SMG6: variants seen among roughly 807,000 people sequenced by gnomAD.
SMG6 encodes telomerase-binding protein EST1A.
SMG6 carries 66 observed loss-of-function variants against 142.2 expected under a neutral mutation model. The observed-to-expected ratio is 0.46, with a 90% confidence interval of 0.38 to 0.57. The LOEUF (loss-of-function observed/expected upper bound fraction) is 0.57. Ranked by LOEUF, SMG6 falls within the 20% of genes least tolerant of loss-of-function variation. The probability of loss-of-function intolerance (pLI) is 0.00; values close to 1 mark genes in which losing one functional copy is unlikely to be tolerated. For missense variants in SMG6, 1,793 were observed against 1,832.0 expected, an observed-to-expected ratio of 0.98 and a Z score of 0.39; for synonymous variants, 779 against 702.4, an observed-to-expected ratio of 1.11 and a Z score of -1.72.
At chr17:2,195,141 G>A (rs996708062) in intron 10 of SMG6, among the ~76,000 whole-genome samples, 8 of 152,226 alleles carry the variant, frequency 5.3e-5, no homozygotes, top group Admixed American at 6.5e-5. Context: ...GCTCCAGGCT[G>A]TGGGGTGACA....
intron 6 of SMG6, 53 bp downstream of exon 6, chr17:2,292,499 A>T: frequency 6.5e-7 from 1 of 1,543,796 alleles, no homozygotes; most frequent in Admixed American, 1.7e-5. Flanking sequence ...CAAACTCCAT[A>T]TTGTAAGATA....
At chr17:2,255,403 CAAAAAAAAAAAAAAAA>C (rs60136702) in intron 8 of SMG6, among the ~76,000 whole-genome samples, 3 of 73,598 alleles carry the variant, frequency 4.1e-5, no homozygotes, top group African/African-American at 1.4e-4. Context: ...GACTCCGTCT[CAAAAAAAAAAAAAAAA>C]AAAAAAAAAA....
intron 13 of SMG6, chr17:2,087,553 G>A: frequency 9.8e-7 from 1 of 1,020,060 alleles, no homozygotes; most frequent in Admixed American, 5.2e-5. Context: ...AAGGTTCTCG[G>A]CTACCCAGAA....
At position 2,121,587 on chromosome 17, in the gene SMG6, C is replaced by CTG. The variant is rs71150850; in HGVS notation, c.3358-35688_3358-35687dup. On this transcript the variant is annotated intron_variant, in intron 13 of 18. Coordinates refer to ENST00000263073, the MANE Select transcript of SMG6 (RefSeq NM_017575.5). Reference sequence around the variant, plus strand: ...TATATGTATATATGTACATGTCTGTCTGTGTGTGTGTGTGTGTGTGTGTGT... The same window carrying CTG: ...TATATGTATATATGTACATGTCTGTCTGTGTGTGTGTGTGTGTGTGTGTGTGT... Among the ~76,000 whole-genome samples, 569 of 139,752 alleles carry CTG rather than the reference C, an allele frequency of 4.1e-3. 3 individuals carry two copies. The highest frequency in any genetic ancestry group is 0.011 in the South Asian group (47 of 4,128). 91.7% of individuals were successfully genotyped at this position (139,752 alleles called of 152,430 possible).
chr17:2,147,069 T>C (rs1188880613), intron 13 of SMG6, among the ~76,000 whole-genome samples: 1 of 152,014 alleles, frequency 6.6e-6, no homozygotes, highest in Non-Finnish European at 1.5e-5. Flanking sequence ...ATATATGAGA[T>C]AGAGTTTTTG....
chr17:2,072,456 G>A lies in SMG6; in HGVS notation c.3682-3525C>T, dbSNP rs144680876. On this transcript the variant is annotated intron_variant, in intron 15 of 18. Transcript: ENST00000263073. ...TGCTAAGTAACTAACTTTCTCTAAG[G>A]TATGGGAGTTTCCTGGAGCAAGCTG... is the stretch of plus-strand genomic sequence containing the variant. Among the ~76,000 whole-genome samples the A allele has an allele frequency of 9.2e-5, 14 of 152,298 alleles. No homozygotes were observed. The East Asian group carries it at 2.5e-3, about 27-fold the overall frequency.
In SMG6 at chr17:2,194,716, A is replaced by C. The variant is rs543319299; in HGVS notation, c.2870-6201T>G. 7.4e-3 allele frequency among the ~76,000 whole-genome samples: 1,119 copies of C among 151,436 alleles called. 36 individuals carry two copies. Among genetic ancestry groups the C allele is most frequent in the Non-Finnish European group, 5.8e-3 (393 of 67,948 alleles). On this transcript the variant is annotated intron_variant, in intron 10 of 18. Transcript: ENST00000263073. ...AGAAAAGAAAACAAAACAAAACAAA[A>C]AAAAAAAGAAAGAAACATCAAAAGA...
In SMG6 at chr17:2,059,894, G is replaced by A. The variant is rs1000073456; in HGVS notation, c.*1598C>T. 2 of 158,486 alleles carry A rather than the reference G, an allele frequency of 1.3e-5. No homozygotes were observed. The highest frequency in any genetic ancestry group is 6.5e-5 in the Admixed American group (1 of 15,292). 9.8% of individuals were successfully genotyped at this position (158,486 alleles called of 1,614,324 possible). A position where few individuals can be genotyped will look rare whatever the true frequency, so the allele number is the denominator to read the frequency against. ...AGGAAACAAAACCAGTGCTGCAAACGGGACAGAAAGGAGAGCTGGGTCTCC... is the reference window on the plus strand; with the variant it reads ...AGGAAACAAAACCAGTGCTGCAAACAGGACAGAAAGGAGAGCTGGGTCTCC... On this transcript the variant is annotated 3_prime_UTR_variant, in exon 19 of 19. Coordinates refer to ENST00000263073, the MANE Select transcript of SMG6 (RefSeq NM_017575.5).
At chr17:2,241,695 T>A (rs559276600) in intron 9 of SMG6, among the ~76,000 whole-genome samples, 3 of 152,194 alleles carry the variant, frequency 2.0e-5, no homozygotes, top group Non-Finnish European at 4.4e-5. Context: ...CCGGTCATTA[T>A]CTCGCTTTTT....
At chr17:2,149,301 G>C (rs1221201986) in intron 13 of SMG6, among the ~76,000 whole-genome samples, 1 of 118,314 alleles carries the variant, frequency 8.5e-6, no homozygotes, top group East Asian at 3.0e-4. Flanking sequence ...AGTGAGCCGA[G>C]ATCACACCAC....
chr17:2,161,312 C>T (rs1254083953), intron 13 of SMG6, among the ~76,000 whole-genome samples: 1 of 151,906 alleles, frequency 6.6e-6, no homozygotes, highest in African/African-American at 2.4e-5. Context: ...TCATGTTGGC[C>T]AGACTGTTCT....
At chr17:2,218,010 A>G (rs765207329) in intron 10 of SMG6, among the ~76,000 whole-genome samples, 1 of 139,018 alleles carries the variant, frequency 7.2e-6, no homozygotes, top group Non-Finnish European at 1.6e-5. Context: ...ACTCGGTCTC[A>G]AAAAACAAAA....
In SMG6 at chr17:2,278,241, C is replaced by T. The variant is rs534673008; in HGVS notation, c.2661+4406G>A. On this transcript the variant is annotated intron_variant, in intron 8 of 18. Transcript: ENST00000263073. ...TTTTTGAGACAAAGTCTCCCTCTGTCGCCCAGGCTGGAGTGCAATGGTGCA... is the reference window on the plus strand; with the variant it reads ...TTTTTGAGACAAAGTCTCCCTCTGTTGCCCAGGCTGGAGTGCAATGGTGCA... Among the ~76,000 whole-genome samples the T allele has an allele frequency of 3.7e-4, 55 of 150,378 alleles. No individual in the cohort carries two copies. In the South Asian group the frequency reaches 5.7e-3, roughly 16 times the overall value.
intron 5 of SMG6, 72 bp downstream of exon 5, chr17:2,292,799 C>A: frequency 6.9e-7 from 1 of 1,452,536 alleles, no homozygotes; most frequent in Non-Finnish European, 9.7e-7. Context: ...ACCCACATGG[C>A]CTACTGCTCT....
chr17:2,283,718 A>G lies in SMG6; in HGVS notation c.2355T>C (p.Ala785=), dbSNP rs1361139366. The part of the protein sequence containing the change: ...LAVYTRRKLD[A]VYYYMRSLAA... ...CTAAACTGCGCATATAGTAATAGAC[A>G]GCGTCAAGCTTCCTCCTCTGTGGAA... The change falls in exon 7 of 19, where the codon GCT becomes GCC. Residue 785 remains alanine, a synonymous_variant. Transcript: ENST00000263073. The G allele has an allele frequency of 3.7e-6, 6 of 1,613,726 alleles. No individual in the cohort carries two copies. Among genetic ancestry groups the G allele is most frequent in the Admixed American group, 1.7e-5 (1 of 59,988 alleles).
At position 2,085,261 on chromosome 17, in the gene SMG6, G is replaced by GAGGGAGGGAGGGAACA. The variant is rs1299037722; in HGVS notation, c.3534+448_3534+463dup. Among the ~76,000 whole-genome samples the GAGGGAGGGAGGGAACA allele has an allele frequency of 1.3e-5, 2 of 151,344 alleles. No individual in the cohort carries two copies. The highest frequency in any genetic ancestry group is 2.9e-5 in the Non-Finnish European group (2 of 67,828). ...TCCTTAATCACATCAGGATGTGCAG[G>GAGGGAGGGAGGGAACA]AGGGAGGGAGGGAACAAGGGAGGGA... On this transcript the variant is annotated intron_variant, in intron 14 of 18. Coordinates refer to ENST00000263073, the MANE Select transcript of SMG6 (RefSeq NM_017575.5). This position sits in a 1 kb window ranked among gnomAD's most constrained non-coding sequence, Gnocchi z 4.1.
At chr17:2,244,757 T>C in intron 8 of SMG6, 38 bp from the exon 9 acceptor site, 1 of 1,547,632 alleles carries the variant, frequency 6.5e-7, no homozygotes, top group Non-Finnish European at 8.9e-7. Flanking sequence ...ACAATTAAAC[T>C]TTCCCCAGTT....
chr17:2,202,811 G>C (rs755072970), intron 10 of SMG6, among the ~76,000 whole-genome samples: 6 of 152,152 alleles, frequency 3.9e-5, no homozygotes, highest in Non-Finnish European at 8.8e-5. Flanking sequence ...GTAAACTTTC[G>C]TCATCAAGGT....
chr17:2,211,892 A>G (rs889338985), intron 10 of SMG6, among the ~76,000 whole-genome samples: 7 of 152,090 alleles, frequency 4.6e-5, no homozygotes, highest in African/African-American at 1.7e-4. Flanking sequence ...CTTCCTGCCC[A>G]ACCTGCCAAT....
Sources: gnomAD v4.1 joint callset for allele counts (sites outside exome capture counted in the v4.1 genomes callset) on GRCh38, gnomAD v4.1.1 for gene constraint, Gnocchi (gnomAD v3.1) non-coding constraint, MANE v1.5 for transcripts, NCBI Gene and HGNC (gene_info 2026-07-23, HGNC 2026-07-21) for gene names.